Variants in RTN3 observed in about 807,000 individuals in gnomAD.
The protein encoded by RTN3 is reticulon 3.
Under a neutral mutation model 77.8 loss-of-function variants are expected in RTN3, and 49 were observed. That is an observed-to-expected ratio of 0.63 (90% CI 0.50 to 0.80). The LOEUF is 0.80. RTN3 is among the 30% of genes least tolerant of loss of function. The pLI, the probability that RTN3 is intolerant of heterozygous loss-of-function variation, is 0.00. For missense variants in RTN3, 1,236 were observed against 1,211.9 expected (o/e 1.02, Z -0.29); for synonymous variants, 464 against 446.9 (o/e 1.04, Z -0.48).
intron 3 of RTN3, among the ~76,000 whole-genome samples, chr11:63,742,649 CA>C (rs1306893711): frequency 6.6e-6 from 1 of 151,090 alleles, no homozygotes; most frequent in Non-Finnish European, 1.5e-5. Context: ...CCATCACACA[CA>C]AAAAAAAGAA....
chr11:63,686,872 A>G (rs1941403627), intron 1 of RTN3, among the ~76,000 whole-genome samples: 2 of 152,198 alleles, frequency 1.3e-5, no homozygotes, highest in African/African-American at 2.4e-5. Flanking sequence ...TCATGATGCC[A>G]AAATAAAACT....
At chr11:63,752,401 G>T in intron 4 of RTN3, 106 bp from the exon 5 acceptor site, 1 of 1,069,040 alleles carries the variant, frequency 9.4e-7, no homozygotes, top group Non-Finnish European at 1.4e-6. Context: ...GCTCCTACAG[G>T]TTCTAACATG....
intron 1 of RTN3, among the ~76,000 whole-genome samples, chr11:63,702,374 G>A (rs1003647119): frequency 6.6e-6 from 1 of 151,378 alleles, no homozygotes; most frequent in African/African-American, 2.4e-5. Flanking sequence ...GAGTGCAATG[G>A]CGTGATCTCA....
chr11:63,734,775 A>C (rs1167159297), intron 3 of RTN3, among the ~76,000 whole-genome samples: 1 of 144,322 alleles, frequency 6.9e-6, no homozygotes, highest in Non-Finnish European at 1.5e-5. Flanking sequence ...ACACACACAC[A>C]CACACACCAT....
chr11:63,757,118 A>G (rs1246599783), intron 8 of RTN3, among the ~76,000 whole-genome samples: 1 of 152,212 alleles, frequency 6.6e-6, no homozygotes, highest in Admixed American at 6.5e-5. Context: ...AGCCAAACGT[A>G]TCCCTCTCAG....
chr11:63,739,870 G>A (rs2013356574), intron 3 of RTN3, among the ~76,000 whole-genome samples: 1 of 151,688 alleles, frequency 6.6e-6, no homozygotes, highest in African/African-American at 2.4e-5. Flanking sequence ...TAGATGATGA[G>A]GGAGAAAGAA....
chr11:63,713,188 A>G (rs991441060), intron 2 of RTN3, among the ~76,000 whole-genome samples: 1 of 152,318 alleles, frequency 6.6e-6, no homozygotes, highest in South Asian at 2.1e-4. Flanking sequence ...GTTTCAGATA[A>G]TATATCTCAG....
At chr11:63,756,566 G>A (rs2014391974) in intron 8 of RTN3, among the ~76,000 whole-genome samples, 1 of 152,068 alleles carries the variant, frequency 6.6e-6, no homozygotes, top group African/African-American at 2.4e-5. Context: ...CCAGCTACTG[G>A]AGAGGCTGAG....
chr11:63,730,506 G>T lies in RTN3; in HGVS notation c.2530+9474G>T, dbSNP rs998233924. On this transcript the variant is annotated intron_variant, in intron 3 of 8. Coordinates refer to ENST00000377819, the MANE Select transcript of RTN3 (RefSeq NM_001265589.2). ...CACAAAGCAAAAATTGACAGAATTG[G>T]CTGGGCAATGGCCCATGCCTGTAAC... Among the ~76,000 whole-genome samples the T allele has an allele frequency of 5.9e-5, 9 of 152,294 alleles. No individual in the cohort carries two copies. The East Asian group carries it at 1.4e-3, about 23-fold the overall frequency.
At chr11:63,728,096 G>T (rs2012409480) in intron 3 of RTN3, among the ~76,000 whole-genome samples, 1 of 152,194 alleles carries the variant, frequency 6.6e-6, no homozygotes, top group Non-Finnish European at 1.5e-5. Context: ...GAATTGGCCA[G>T]AGGAAAAGAC....
At position 63,753,092 on chromosome 11, in the gene RTN3, G is replaced by T; in HGVS notation, c.2901G>T (p.Met967Ile). 6.2e-7 allele frequency: 1 copy of T among 1,614,086 alleles called. No homozygotes were observed. The highest frequency in any genetic ancestry group is 1.1e-5 in the South Asian group (1 of 91,054). ...SLKLAVFMWL[M>I]TYVGAVFNGI... ...AGCTGGCTGTCTTCATGTGGCTGAT[G>T]ACCTATGTTGGTGCTGTTTTTAACG... Residue 967 changes from methionine to isoleucine, a missense_variant, in exon 6 of 9, where the codon ATG becomes ATT. Met to Ile is a conservative substitution (Grantham distance 10). Around this residue, in one of 3 missense-constraint regions of RTN3, gnomAD observed 141 missense variants for 154.9 expected, o/e 0.91. Transcript: ENST00000377819.
At chr11:63,757,240 A>G (rs1457696922) in intron 8 of RTN3, among the ~76,000 whole-genome samples, 4 of 152,248 alleles carry the variant, frequency 2.6e-5, no homozygotes, top group Non-Finnish European at 5.9e-5. Context: ...GAAATAAAAT[A>G]TTGACAAACA....
intron 2 of RTN3, among the ~76,000 whole-genome samples, chr11:63,712,087 C>A (rs990948592): frequency 7.9e-5 from 12 of 152,238 alleles, no homozygotes; most frequent in African/African-American, 2.9e-4. Flanking sequence ...TCAGACGTTG[C>A]ATCACCTAAG....
intron 7 of RTN3, among the ~76,000 whole-genome samples, chr11:63,755,335 A>G (rs1314584260): frequency 3.3e-5 from 5 of 152,126 alleles, no homozygotes; most frequent in Non-Finnish European, 7.4e-5. Flanking sequence ...TTTGGATTCT[A>G]AAACCAGAGG....
chr11:63,696,535 C>T (rs1941947835), intron 1 of RTN3, among the ~76,000 whole-genome samples: 4 of 143,426 alleles, frequency 2.8e-5, no homozygotes. Flanking sequence ...TAGTGGGGCC[C>T]TGTCACTATT....
At chr11:63,752,298 T>C (rs184573883) in intron 4 of RTN3, among the ~76,000 whole-genome samples, 3 of 152,322 alleles carry the variant, frequency 2.0e-5, no homozygotes, top group East Asian at 3.9e-4. Flanking sequence ...TTACTGTGCT[T>C]GACTGTCCCA....
intron 2 of RTN3, among the ~76,000 whole-genome samples, chr11:63,717,170 A>G (rs1565318422): frequency 6.6e-6 from 1 of 151,796 alleles, no homozygotes; most frequent in Non-Finnish European, 1.5e-5. Context: ...TCTCAAATAC[A>G]AACAAACAAA....
intron 1 of RTN3, among the ~76,000 whole-genome samples, chr11:63,688,518 G>C (rs567037596): frequency 6.6e-6 from 1 of 152,052 alleles, no homozygotes; most frequent in Non-Finnish European, 1.5e-5. Context: ...CACCACGCCC[G>C]GCCAAGAAGT....
chr11:63,755,576 G>A (rs1276952313), intron 7 of RTN3, among the ~76,000 whole-genome samples: 5 of 144,922 alleles, frequency 3.5e-5, no homozygotes, highest in African/African-American at 1.3e-4. Context: ...GCTTAAACCC[G>A]GGAGGTGGAG....
Sources: gnomAD v4.1 joint callset for allele counts (sites outside exome capture counted in the v4.1 genomes callset) on GRCh38, gnomAD v4.1.1 for gene constraint, gnomAD v4.1.1 regional missense constraint, MANE v1.5 for transcripts, NCBI Gene and HGNC (gene_info 2026-07-23, HGNC 2026-07-21) for gene names.